RNASEL: variants seen among roughly 807,000 people sequenced by gnomAD.
The protein encoded by RNASEL is 2-5A-dependent ribonuclease.
A neutral mutation model predicts 50.9 loss-of-function variants in RNASEL; 36 were observed. The ratio of observed to expected loss-of-function variants is 0.71; its 90% CI spans 0.54 to 0.93. The LOEUF (loss-of-function observed/expected upper bound fraction) is 0.93. RNASEL is among the 40% of genes least tolerant of loss of function. The probability of loss-of-function intolerance (pLI) is 0.00; values close to 1 mark genes in which losing one functional copy is unlikely to be tolerated. For missense variants in RNASEL, 860 were observed against 894.5 expected (o/e 0.96, Z 0.49); for synonymous variants, 335 against 335.6 (o/e 1.00, Z 0.02).
chr1:182,581,473 CT>C (rs1011639686), intron 4 of RNASEL, 116 bp from the exon 5 acceptor site: 26,667 of 280,050 alleles, frequency 0.095, 2 homozygotes, highest in South Asian at 0.13. Context: ...GTTTTTCTTT[CT>C]TTTTTTTTTT....
chr1:182,585,229 A>G, intron 2 of RNASEL, 98 bp downstream of exon 2: 2 of 1,179,914 alleles, frequency 1.7e-6, no homozygotes, highest in South Asian at 2.8e-5. Context: ...AATCATCCAC[A>G]TTTACTCTAG....
chr1:182,584,942 G>A (rs533249551), intron 2 of RNASEL, among the ~76,000 whole-genome samples: 1 of 152,272 alleles, frequency 6.6e-6, no homozygotes, highest in South Asian at 2.1e-4. Flanking sequence ...ATCTTGTCCT[G>A]ACATCCTCAA....
At chr1:182,583,966 T>G (rs1661545344) in intron 3 of RNASEL, 115 bp downstream of exon 3, 2 of 795,776 alleles carry the variant, frequency 2.5e-6, no homozygotes, top group South Asian at 2.8e-5. Flanking sequence ...CTTAATAAAC[T>G]CCCTTTCATA....
intron 4 of RNASEL, among the ~76,000 whole-genome samples, chr1:182,581,695 T>A (rs1480317782): frequency 6.6e-6 from 1 of 152,022 alleles, no homozygotes; most frequent in Non-Finnish European, 1.5e-5. Context: ...CTGACCAGGC[T>A]GGTCTGGAAC....
rs963855707 is a variant in RNASEL, at chr1:182,575,175, C to T, written c.*217G>A. The T allele has an allele frequency of 1.2e-5, 7 of 572,630 alleles. No homozygotes were observed. The highest frequency in any genetic ancestry group is 2.2e-5 in the Non-Finnish European group (7 of 321,838). 35.5% of individuals were successfully genotyped at this position (572,630 alleles called of 1,614,324 possible). ...ACAAAAGGAATCTTAGCAGAATGTC[C>T]TCCCAGTTAGTGGGTAAAGCTTATG... On this transcript the variant is annotated 3_prime_UTR_variant, in exon 7 of 7. Transcript: ENST00000367559.
chr1:182,578,656 G>A (rs1288226239), intron 5 of RNASEL: 2 of 152,220 alleles, frequency 1.3e-5, no homozygotes, highest in Non-Finnish European at 2.9e-5. Context: ...GTTTTGCCAT[G>A]TTGGCCAGGC....
intron 5 of RNASEL, chr1:182,578,511 G>A (rs1471793046): frequency 6.6e-6 from 1 of 152,200 alleles, no homozygotes; most frequent in East Asian, 1.9e-4. Flanking sequence ...AATGTACTGA[G>A]TATCTGCCAA....
intron 6 of RNASEL, 116 bp downstream of exon 6, chr1:182,576,136 ATTAC>A: frequency 1.0e-6 from 1 of 997,544 alleles, no homozygotes; most frequent in Non-Finnish European, 1.5e-6. Flanking sequence ...GAGGGAAGGA[ATTAC>A]TTTTCTTTCA....
Position 182,582,236 on chromosome 1 carries a change from T to C in RNASEL, c.1589A>G (p.Tyr530Cys), listed in dbSNP as rs752377619. The C allele has an allele frequency of 1.2e-5, 20 of 1,614,128 alleles. No homozygotes were observed. Among genetic ancestry groups the C allele is most frequent in the African/African-American group, 2.7e-5 (2 of 75,056 alleles). ...TGAGATGCTTCCCTTCTTTACCACA[T>C]AGAGGACCAGCCGTCCAAGGTCCTG... Reference protein sequence around the residue: ...DLEDLGRLVLYVVKKGSISFE... With the variant: ...DLEDLGRLVLCVVKKGSISFE... The change falls in exon 4 of 7, where the codon TAT becomes TGT. Residue 530 changes from tyrosine to cysteine, a missense_variant. Transcript: ENST00000367559.
chr1:182,577,555 G>A (rs181653691), intron 5 of RNASEL, among the ~76,000 whole-genome samples: 14 of 151,706 alleles, frequency 9.2e-5, no homozygotes, highest in African/African-American at 1.7e-4. Context: ...TGATCACCCC[G>A]CCCAAAGCAA....
At position 182,581,326 on chromosome 1, in the gene RNASEL, C is replaced by T. The variant is rs1661490986; in HGVS notation, c.1804G>A (p.Glu602Lys). 1.2e-6 allele frequency: 2 copies of T among 1,613,956 alleles called. No homozygotes were observed. Among genetic ancestry groups the T allele is most frequent in the African/African-American group, 1.3e-5 (1 of 74,872 alleles). Reference protein sequence around the residue: ...RYRTLRNVGNESDIKTRKSES... With the variant: ...RYRTLRNVGNKSDIKTRKSES... ...GATTTTCGTGTTTTGATGTCGGATT[C>T]ATTTCCCACATTCCGAAGCGTCCTA... Residue 602 changes from glutamate (E) to lysine (K), a missense_variant, in exon 5 of 7, where the codon GAA (glutamate) becomes AAA (lysine). Transcript: ENST00000367559.
intron 5 of RNASEL, 122 bp from the exon 6 acceptor site, chr1:182,576,511 T>A: frequency 1.3e-6 from 1 of 767,008 alleles, no homozygotes; most frequent in Non-Finnish European, 2.1e-6. Context: ...AATTACCAAC[T>A]AATTAATAAA....
At position 182,585,573 on chromosome 1, in the gene RNASEL, G is replaced by A. The variant is rs183399204; in HGVS notation, c.1234C>T (p.Arg412Ter). The A allele has an allele frequency of 1.6e-5, 26 of 1,613,978 alleles. No individual in the cohort carries two copies. Among genetic ancestry groups the A allele is most frequent in the Admixed American group, 5.0e-5 (3 of 59,998 alleles). ...QREVSCLQSS[R>*]ENSHLVTFYG... ...AATGTCACCAAGTGACTGTTCTCTC[G>A]GCTGCTTTGCAGACAAGAGACTTCC... Residue 412 changes from arginine (R) to a stop codon, truncating the protein, a stop_gained, in exon 2 of 7, where the codon CGA becomes TGA. Transcript: ENST00000367559. LOFTEE classifies it high-confidence loss of function.
intron 5 of RNASEL, chr1:182,577,100 G>C (rs375936783): frequency 6.6e-6 from 1 of 150,610 alleles, no homozygotes; most frequent in Admixed American, 6.6e-5. Flanking sequence ...GGCCAGGCTG[G>C]TCTCAAACTC....
chr1:182,583,382 G>A (rs1236580949), intron 3 of RNASEL, among the ~76,000 whole-genome samples: 1 of 152,216 alleles, frequency 6.6e-6, no homozygotes, highest in Non-Finnish European at 1.5e-5. Flanking sequence ...AGGACAGTGA[G>A]CAAGATGGGG....
intron 5 of RNASEL, chr1:182,579,620 A>G (rs1571264890): frequency 1.7e-6 from 2 of 1,155,716 alleles, no homozygotes; most frequent in South Asian, 3.4e-5. Flanking sequence ...GACCATGAAA[A>G]TGGGCAAGTC....
intron 1 of RNASEL, among the ~76,000 whole-genome samples, chr1:182,588,382 C>T (rs765515192): frequency 1.3e-5 from 2 of 152,152 alleles, no homozygotes; most frequent in African/African-American, 4.8e-5. Flanking sequence ...ATATTAGCCA[C>T]TCAATGAATG....
Position 182,584,119 on chromosome 1 carries a change from A to G in RNASEL, c.1528T>C (p.Trp510Arg). Residue 510 changes from tryptophan to arginine, a missense_variant, in exon 3 of 7, where the codon TGG (tryptophan) becomes CGG (arginine). By Grantham distance (101) the Trp-to-Arg change is moderately radical. Coordinates refer to ENST00000367559, the MANE Select transcript of RNASEL (RefSeq NM_021133.4). ...TTGACTTCCTGTGGATCTCCAGCCC[A>G]CTTGATGCTCTTATCAAAATCTGCC... ...HLADFDKSIK[W>R]AGDPQEVKRD... is the part of the protein sequence containing the mutation. 1 of 1,614,126 alleles carries G rather than the reference A, an allele frequency of 6.2e-7. No individual in the cohort carries two copies. The highest frequency in any genetic ancestry group is 8.5e-7 in the Non-Finnish European group (1 of 1,179,992).
At chr1:182,581,767 A>T (rs934553315) in intron 4 of RNASEL, among the ~76,000 whole-genome samples, 7 of 151,944 alleles carry the variant, frequency 4.6e-5, no homozygotes, top group Admixed American at 1.3e-4. Flanking sequence ...GGCGTGAGCC[A>T]CCGCGCCTGG....
Sources: allele counts gnomAD v4.1 joint callset (sites outside exome capture counted in the v4.1 genomes callset), GRCh38; gene constraint gnomAD v4.1.1; transcripts MANE v1.5; gene names NCBI Gene and HGNC (gene_info 2026-07-23, HGNC 2026-07-21).